GRM8: variants seen among roughly 807,000 people sequenced by gnomAD.
GRM8 encodes the protein glutamate metabotropic receptor 8.
GRM8 carries 47 observed loss-of-function variants against 87.2 expected under a neutral mutation model. That is an observed-to-expected ratio of 0.54 (90% CI 0.43 to 0.69). The LOEUF is 0.69. Among genes scored for constraint, GRM8 ranks in the 30% least tolerant of loss-of-function variants. The probability of loss-of-function intolerance (pLI) is 0.00; values close to 1 mark genes in which losing one functional copy is unlikely to be tolerated. For missense variants in GRM8, 1,019 were observed against 1,139.2 expected (o/e 0.89, Z 1.52); for synonymous variants, 396 against 404.5 (o/e 0.98, Z 0.25).
intron 3 of GRM8, among the ~76,000 whole-genome samples, chr7:127,046,079 T>G (rs987493201): frequency 6.6e-6 from 1 of 152,242 alleles, no homozygotes; most frequent in Non-Finnish European, 1.5e-5. Context: ...AACGTTTATA[T>G]TTTCTATTTT....
intron 3 of GRM8, among the ~76,000 whole-genome samples, chr7:126,954,578 C>T (rs1052746108): frequency 6.6e-6 from 1 of 152,114 alleles, no homozygotes; most frequent in East Asian, 1.9e-4. Context: ...GTGACTAATG[C>T]TACAATTTAA....
chr7:126,641,065 C>T (rs1026340911), intron 7 of GRM8, among the ~76,000 whole-genome samples: 17 of 152,062 alleles, frequency 1.1e-4, no homozygotes, highest in African/African-American at 4.1e-4. Context: ...TTGCTTTATA[C>T]ACTACTACTT....
intron 3 of GRM8, among the ~76,000 whole-genome samples, chr7:127,102,854 G>A (rs927226189): frequency 6.6e-6 from 1 of 152,150 alleles, no homozygotes; most frequent in Non-Finnish European, 1.5e-5. Flanking sequence ...GTTAGAAAGA[G>A]GCCACCATCC....
chr7:126,799,528 G>T (rs1026082853), intron 6 of GRM8, among the ~76,000 whole-genome samples: 17 of 152,086 alleles, frequency 1.1e-4, no homozygotes, highest in Admixed American at 5.2e-4. Context: ...CAACCTCTTT[G>T]ATTCTCAGCT....
chr7:126,630,982 T>G (rs944192436), intron 7 of GRM8, among the ~76,000 whole-genome samples: 5 of 152,162 alleles, frequency 3.3e-5, no homozygotes, highest in African/African-American at 1.2e-4. Flanking sequence ...AAGACAAGGA[T>G]GCCCTCTCTT....
At chr7:126,646,159 C>T (rs1024185144) in intron 7 of GRM8, among the ~76,000 whole-genome samples, 1 of 151,942 alleles carries the variant, frequency 6.6e-6, no homozygotes, top group African/African-American at 2.4e-5. Flanking sequence ...CAACACTTAA[C>T]CTATCTGCAT....
At chr7:126,875,366 A>T (rs1333644060) in intron 6 of GRM8, among the ~76,000 whole-genome samples, 1 of 152,034 alleles carries the variant, frequency 6.6e-6, no homozygotes, top group Non-Finnish European at 1.5e-5. Context: ...ATACTTCCTC[A>T]CCTATATAAT....
chr7:126,790,606 T>C (rs1470328127), intron 6 of GRM8, among the ~76,000 whole-genome samples: 2 of 152,218 alleles, frequency 1.3e-5, no homozygotes, highest in Non-Finnish European at 2.9e-5. Context: ...TTAAGGATTA[T>C]GATTGTAAGT....
chr7:126,694,027 A>G (rs574428918), intron 7 of GRM8, among the ~76,000 whole-genome samples: 22 of 152,106 alleles, frequency 1.4e-4, no homozygotes, highest in African/African-American at 5.1e-4. Flanking sequence ...TAAATATTCA[A>G]CGTATTAAAC....
chr7:127,002,716 T>C (rs1813855595), intron 3 of GRM8, among the ~76,000 whole-genome samples: 1 of 151,728 alleles, frequency 6.6e-6, no homozygotes, highest in Admixed American at 6.6e-5. Flanking sequence ...TTTAAGAATT[T>C]GTTCAGAAAC....
intron 6 of GRM8, among the ~76,000 whole-genome samples, chr7:126,845,204 C>T (rs1163173511): frequency 1.3e-5 from 2 of 152,194 alleles, no homozygotes; most frequent in Non-Finnish European, 2.9e-5. Flanking sequence ...TAAGGGCTGC[C>T]TTATATCTGG....
At chr7:126,573,392 A>G (rs1014138224) in intron 8 of GRM8, among the ~76,000 whole-genome samples, 1 of 152,144 alleles carries the variant, frequency 6.6e-6, no homozygotes, top group African/African-American at 2.4e-5. Context: ...TTTTAATGAA[A>G]CAGGGAGTCA....
chr7:127,247,649 G>A (rs761921714), intron 1 of GRM8, among the ~76,000 whole-genome samples: 2 of 152,078 alleles, frequency 1.3e-5, no homozygotes, highest in Non-Finnish European at 2.9e-5. Flanking sequence ...CTTGGAATCG[G>A]ATCTTTGTCT....
chr7:127,042,081 A>C (rs1818478941), intron 3 of GRM8, among the ~76,000 whole-genome samples: 1 of 152,170 alleles, frequency 6.6e-6, no homozygotes, highest in Non-Finnish European at 1.5e-5. Context: ...GTCCTGTGAT[A>C]CTTTTACATC....
intron 2 of GRM8, among the ~76,000 whole-genome samples, chr7:127,185,681 A>C (rs1192902258): frequency 6.6e-6 from 1 of 152,202 alleles, no homozygotes; most frequent in African/African-American, 2.4e-5. Context: ...AGCCAAGTTC[A>C]TCAGCTCAGG....
Position 126,514,957 on chromosome 7 carries a change from A to C in GRM8, c.2430+17995T>G, listed in dbSNP as rs1811960774. The stretch of plus-strand genomic sequence containing the variant: ...TTGTACTAGCAATAGTACACTTACT[A>C]AATTATTATAATTACATATTGCAAT... On this transcript the variant is annotated intron_variant, in intron 9 of 10. Transcript: ENST00000339582. Among the ~76,000 whole-genome samples, 3 of 152,058 alleles carry C rather than the reference A, an allele frequency of 2.0e-5. No individual in the cohort carries two copies. The South Asian group carries it at 6.2e-4, about 31-fold the overall frequency.
At chr7:126,719,851 G>GAA (rs34193510) in intron 7 of GRM8, among the ~76,000 whole-genome samples, 4 of 111,996 alleles carry the variant, frequency 3.6e-5, no homozygotes, top group African/African-American at 1.3e-4. Flanking sequence ...CTTTAGTCTT[G>GAA]AAAAAAAAAA....
chr7:126,477,136 G>C (rs1806012824), intron 9 of GRM8, among the ~76,000 whole-genome samples: 1 of 152,084 alleles, frequency 6.6e-6, no homozygotes, highest in Non-Finnish European at 1.5e-5. Context: ...AAGTAAGGCA[G>C]ACATAGAAAA....
intron 3 of GRM8, among the ~76,000 whole-genome samples, chr7:126,962,752 T>C (rs1809447134): frequency 1.3e-5 from 2 of 152,230 alleles, no homozygotes; most frequent in South Asian, 4.1e-4. Flanking sequence ...CATGATAACA[T>C]GATCAGCTAA....
Sources: allele counts gnomAD v4.1 joint callset (sites outside exome capture counted in the v4.1 genomes callset), GRCh38; gene constraint gnomAD v4.1.1; transcripts MANE v1.5; gene names NCBI Gene and HGNC (gene_info 2026-07-23, HGNC 2026-07-21).